The following SYNE1 variants were observed in gnomAD, a reference collection of about 807,000 sequenced individuals.
The protein encoded by SYNE1 is spectrin repeat containing nuclear envelope protein 1.
Under a neutral mutation model 1,111.0 loss-of-function variants are expected in SYNE1, and 616 were observed. The ratio of observed to expected loss-of-function variants is 0.55; its 90% CI spans 0.52 to 0.59. The LOEUF is 0.59. Among genes scored for constraint, SYNE1 ranks in the 20% least tolerant of loss-of-function variants. The pLI, the probability that SYNE1 is intolerant of heterozygous loss-of-function variation, is 0.00. For synonymous variants in SYNE1, 3,855 were observed against 3,825.8 expected, an observed-to-expected ratio of 1.01 and a Z score of -0.28; for missense variants, 10,006 against 10,417.0, an observed-to-expected ratio of 0.96 and a Z score of 1.72.
At position 152,213,661 on chromosome 6, in the gene SYNE1, T is replaced by C. The variant is rs1587952687; in HGVS notation, c.22445A>G (p.Glu7482Gly). 1 of 1,614,160 alleles carries C rather than the reference T, an allele frequency of 6.2e-7. No homozygotes were observed. Among genetic ancestry groups the C allele is most frequent in the East Asian group, 2.2e-5 (1 of 44,872 alleles). ...LVQTEQKLAV[E>G]ISGNYQHLLE... is the part of the protein sequence containing the mutation. ...AAGGTGCTGATAATTTCCTGAAATC[T>C]CTACTGCTAACTTTTGTTCTGTCTG... The change falls in exon 123 of 146, where the codon GAG (glutamate) becomes GGG (glycine). Residue 7482 changes from glutamate (E) to glycine (G), a missense_variant. Transcript: ENST00000367255.
intron 4 of SYNE1, among the ~76,000 whole-genome samples, chr6:152,539,723 A>T (rs1752167566): frequency 6.6e-6 from 1 of 152,234 alleles, no homozygotes; most frequent in South Asian, 2.1e-4. Flanking sequence ...TAGTTTCTCA[A>T]GATTCACAGA....
chr6:152,239,441 G>A lies in SYNE1; in HGVS notation c.20067+92C>T. 6 of 1,520,986 alleles carry A rather than the reference G, an allele frequency of 3.9e-6. No homozygotes were observed. The South Asian group carries it at 6.8e-5, about 17-fold the overall frequency. 94.2% of individuals were successfully genotyped at this position (1,520,986 alleles called of 1,614,324 possible). ...CGCAGCTAGTTCTGAGGTTATGTGA[G>A]GCAAACTGCATGGATAGATACATCT... On this transcript the variant is annotated intron_variant, in intron 108 of 145. Transcript: ENST00000367255.
intron 3 of SYNE1, among the ~76,000 whole-genome samples, chr6:152,625,669 C>T (rs191528801): frequency 1.4e-3 from 207 of 152,190 alleles, no homozygotes; most frequent in African/African-American, 4.7e-3. Flanking sequence ...CTAATTAATG[C>T]AATAAGTATA....
chr6:152,605,330 G>A (rs752872147), intron 3 of SYNE1, among the ~76,000 whole-genome samples: 1 of 151,920 alleles, frequency 6.6e-6, no homozygotes, highest in Non-Finnish European at 1.5e-5. Context: ...TTATTAAATA[G>A]CTAACTAGGA....
chr6:152,246,065 C>A (rs909423440), intron 105 of SYNE1, among the ~76,000 whole-genome samples: 2 of 152,144 alleles, frequency 1.3e-5, no homozygotes, highest in African/African-American at 4.8e-5. Context: ...AATATCTGAA[C>A]ACACCAATAA....
At chr6:152,482,970 G>A (rs189074886) in intron 14 of SYNE1, 115 bp downstream of exon 14, 113 of 1,190,262 alleles carry the variant, frequency 9.5e-5, no homozygotes, top group African/African-American at 6.4e-4. Context: ...TGACGTCTCC[G>A]ATCATGTAGA....
chr6:152,279,448 G>A (rs547665673), intron 97 of SYNE1, among the ~76,000 whole-genome samples: 2 of 151,818 alleles, frequency 1.3e-5, no homozygotes, highest in East Asian at 3.9e-4. Flanking sequence ...GGGTGTGGTG[G>A]CTCTCACCTG....
intron 144 of SYNE1, 67 bp from the exon 145 acceptor site, chr6:152,130,845 T>C (rs968039957): frequency 1.4e-5 from 22 of 1,517,408 alleles, no homozygotes; most frequent in Non-Finnish European, 2.0e-5. Flanking sequence ...GACAAGCTAC[T>C]AATGAAAATT....
At position 152,367,363 on chromosome 6, in the gene SYNE1, T is replaced by C. The variant is rs188684213; in HGVS notation, c.9827A>G (p.Asp3276Gly). The C allele has an allele frequency of 6.2e-7, 1 of 1,614,164 alleles. No homozygotes were observed. The highest frequency in any genetic ancestry group is 8.5e-7 in the Non-Finnish European group (1 of 1,180,044). The change falls in exon 62 of 146, where the codon GAT becomes GGT. Residue 3276 changes from aspartate to glycine, a missense_variant. Transcript: ENST00000367255. Reference sequence around the variant, plus strand: ...CTGATTGTGTTCTGCAACGATTCTATCCAGTCTTGACACTTTCTCCTGGAA... The same window carrying C: ...CTGATTGTGTTCTGCAACGATTCTACCCAGTCTTGACACTTTCTCCTGGAA... ...NLTKEKVSRL[D>G]RIVAEHNQFS...
chr6:152,264,145 G>A (rs1483530920), intron 100 of SYNE1, among the ~76,000 whole-genome samples: 1 of 131,810 alleles, frequency 7.6e-6, no homozygotes, highest in African/African-American at 2.9e-5. Flanking sequence ...GGAAGCAGAT[G>A]TTGTGGTGAG....
Position 152,213,722 on chromosome 6 carries a change from A to G in SYNE1, c.22384T>C (p.Leu7462=). The change falls in exon 123 of 146, where the codon TTG becomes CTG. Residue 7462 remains leucine (L), a synonymous_variant. Coordinates refer to ENST00000367255, the MANE Select transcript of SYNE1 (RefSeq NM_182961.4). The part of the protein sequence containing the change: ...QSFLLQHQTF[L]EKCETWMEFL... ...TCCATCCATGTTTCACATTTTTCCA[A>G]GAAAGTCTGATGTTGTAGCAAAAAT... 2 of 1,614,124 alleles carry G rather than the reference A, an allele frequency of 1.2e-6. No homozygotes were observed. The highest frequency in any genetic ancestry group is 1.7e-6 in the Non-Finnish European group (2 of 1,180,008).
In SYNE1 at chr6:152,122,106, A is replaced by C. The variant is rs931513520; in HGVS notation, c.*330T>G. ...GAAAGCTGCCCAGATGGTCTACTGA[A>C]GTCCTTGGCTGTGCACAGAATGGGC... On this transcript the variant is annotated 3_prime_UTR_variant, in exon 146 of 146. Coordinates refer to ENST00000367255, the MANE Select transcript of SYNE1 (RefSeq NM_182961.4). 7 of 383,920 alleles carry C rather than the reference A, an allele frequency of 1.8e-5. No individual in the cohort carries two copies. The Admixed American group carries it at 2.7e-4, about 15-fold the overall frequency. The allele number at this position is 383,920 out of a possible 1,614,324, so 23.8% of individuals were successfully genotyped here.
chr6:152,130,852 A>T (rs2152689091), intron 144 of SYNE1, 74 bp from the exon 145 acceptor site: 1 of 1,484,850 alleles, frequency 6.7e-7, no homozygotes, highest in East Asian at 2.3e-5. Context: ...TACTAATGAA[A>T]ATTAAACTAA....
At chr6:152,465,916 T>G (rs572922979) in intron 17 of SYNE1, 66 bp downstream of exon 17, 8 of 1,168,378 alleles carry the variant, frequency 6.8e-6, no homozygotes, top group Non-Finnish European at 1.0e-5. Flanking sequence ...TCTGATCAGA[T>G]AGAAACCTGC....
At position 152,168,448 on chromosome 6, in the gene SYNE1, G is replaced by A. The variant is rs139028077; in HGVS notation, c.23628-4123C>T. The A allele has an allele frequency of 5.1e-4, 246 of 482,442 alleles. 1 individual carries two copies. The highest frequency in any genetic ancestry group is 4.4e-3 in the African/African-American group (228 of 51,792). The allele number at this position is 482,442 out of a possible 1,614,324, so 29.9% of individuals were successfully genotyped here. A position where few individuals can be genotyped will look rare whatever the true frequency, so the allele number is the denominator to read the frequency against. On this transcript the variant is annotated intron_variant, in intron 130 of 145. Transcript: ENST00000367255. ...GAATGTAGGCCACGAGTGTAAGAAG[G>A]GGAAAAAGCTCAGTGTAATCTGTAA...
chr6:152,261,846 A>G (rs574262278), intron 101 of SYNE1, among the ~76,000 whole-genome samples, 186 bp downstream of exon 101: 1 of 152,220 alleles, frequency 6.6e-6, no homozygotes, highest in African/African-American at 2.4e-5. Context: ...ATTTTCACAT[A>G]TAAATATATA....
At chr6:152,573,324 C>CCT (rs2099477464) in intron 3 of SYNE1, among the ~76,000 whole-genome samples, 2 of 43,402 alleles carry the variant, frequency 4.6e-5, no homozygotes. Flanking sequence ...TAATGCTATC[C>CCT]CCCCCCCTCC....
chr6:152,463,785 T>C (rs1397407600), intron 18 of SYNE1, among the ~76,000 whole-genome samples: 2 of 152,222 alleles, frequency 1.3e-5, no homozygotes, highest in East Asian at 1.9e-4. Flanking sequence ...ATTTCTGTTT[T>C]ACAGATTAAA....
chr6:152,395,905 AC>A (rs2097724212), intron 50 of SYNE1, among the ~76,000 whole-genome samples: 1 of 152,206 alleles, frequency 6.6e-6, no homozygotes, highest in African/African-American at 2.4e-5. Flanking sequence ...GAATCATCTC[AC>A]CTAGCTGAAC....
Sources: allele counts gnomAD v4.1 joint callset (sites outside exome capture counted in the v4.1 genomes callset), GRCh38; gene constraint gnomAD v4.1.1; transcripts MANE v1.5; gene names NCBI Gene and HGNC (gene_info 2026-07-23, HGNC 2026-07-21).